The following UNC93A variants were observed in gnomAD, a reference collection of about 807,000 sequenced individuals.
The protein encoded by UNC93A is unc-93 homolog A.
UNC93A carries 43 observed loss-of-function variants against 47.5 expected under a neutral mutation model. The ratio of observed to expected loss-of-function variants is 0.91; its 90% CI spans 0.71 to 1.17. The LOEUF is 1.17. UNC93A is among the 50% of genes most tolerant of loss of function. UNC93A has a pLI of 0.00. For missense variants in UNC93A, 605 were observed against 577.6 expected, an observed-to-expected ratio of 1.05 and a Z score of -0.49; for synonymous variants, 280 against 258.0, an observed-to-expected ratio of 1.09 and a Z score of -0.82.
At chr6:167,301,509 G>A (rs1778239418) in intron 4 of UNC93A, among the ~76,000 whole-genome samples, 2 of 152,274 alleles carry the variant, frequency 1.3e-5, no homozygotes, top group African/African-American at 2.4e-5. Flanking sequence ...TCTGAGCATT[G>A]CATTCATAGT....
upstream of UNC93A, among the ~76,000 whole-genome samples, chr6:167,289,016 A>T (rs1436907140): frequency 6.6e-6 from 1 of 152,292 alleles, no homozygotes; most frequent in Non-Finnish European, 1.5e-5. Context: ...TGAAGTGGCT[A>T]TTGACACCTT....
intron 7 of UNC93A, among the ~76,000 whole-genome samples, chr6:167,311,008 C>A (rs1210664115): frequency 1.3e-5 from 2 of 152,222 alleles, no homozygotes; most frequent in Non-Finnish European, 2.9e-5. Context: ...GCTGGCTCTC[C>A]ATGCAGCACA....
At position 167,304,716 on chromosome 6, in the gene UNC93A, G is replaced by A. The variant is rs1388011025; in HGVS notation, c.840+583G>A. On this transcript the variant is annotated intron_variant, in intron 5 of 7. Transcript: ENST00000230256. The stretch of plus-strand genomic sequence containing the variant: ...CTCCCAAGTAGCTGGGATTACAGGC[G>A]TGTGCCACCACGCCTGGGTAATTTT... Among the ~76,000 whole-genome samples the A allele has an allele frequency of 1.1e-4, 17 of 152,120 alleles. 1 individual carries two copies. The highest frequency in any genetic ancestry group is 8.3e-4 in the South Asian group (4 of 4,810).
At chr6:167,286,403 C>T (rs976415458), upstream of UNC93A, among the ~76,000 whole-genome samples, 2 of 152,210 alleles carry the variant, frequency 1.3e-5, no homozygotes, top group Non-Finnish European at 2.9e-5. Context: ...TGCATCGTAG[C>T]TGGAAACAAA....
At chr6:167,304,211 C>G (rs566944487) in intron 5 of UNC93A, 78 bp downstream of exon 5, 12 of 1,516,864 alleles carry the variant, frequency 7.9e-6, no homozygotes, top group Non-Finnish European at 9.1e-6. Flanking sequence ...CCTGCAGGAC[C>G]GCAGAGTGTC....
intron 7 of UNC93A, among the ~76,000 whole-genome samples, chr6:167,309,322 C>T (rs138224339): frequency 0.034 from 5,108 of 152,224 alleles, 135 homozygotes; most frequent in Non-Finnish European, 0.044. Context: ...TGTGTGTGGC[C>T]GCTTGCCGGA....
upstream of UNC93A, among the ~76,000 whole-genome samples, chr6:167,269,097 A>C (rs1279963531): frequency 6.6e-6 from 1 of 152,174 alleles, no homozygotes; most frequent in Non-Finnish European, 1.5e-5. Flanking sequence ...TGAGAGAGGA[A>C]TGTGTGGGCA....
At chr6:167,280,992 G>A (rs561472302) in intron 1 of UNC93A, among the ~76,000 whole-genome samples, 36 of 152,248 alleles carry the variant, frequency 2.4e-4, no homozygotes, top group Admixed American at 3.9e-4. Flanking sequence ...AAACAAACAA[G>A]CAAATCAACC....
chr6:167,301,282 T>C (rs1197929778), intron 4 of UNC93A, among the ~76,000 whole-genome samples: 2 of 152,202 alleles, frequency 1.3e-5, no homozygotes, highest in South Asian at 2.1e-4. Flanking sequence ...TCCCGCAGCC[T>C]AAGGGAGTCC....
intron 1 of UNC93A, among the ~76,000 whole-genome samples, chr6:167,285,666 T>G (rs1033467317): frequency 1.3e-5 from 2 of 151,346 alleles, no homozygotes; most frequent in African/African-American, 4.8e-5. Flanking sequence ...TATAACCCAC[T>G]GGGGTGGGGG....
At chr6:167,294,869 G>GA (rs1778008884) in intron 2 of UNC93A, among the ~76,000 whole-genome samples, 171 bp downstream of exon 2, 1 of 151,960 alleles carries the variant, frequency 6.6e-6, no homozygotes, top group Non-Finnish European at 1.5e-5. Context: ...ACGGTGCTGG[G>GA]CTTCCTTCCT....
At chr6:167,301,898 C>T (rs1000958188) in intron 4 of UNC93A, among the ~76,000 whole-genome samples, 7 of 152,146 alleles carry the variant, frequency 4.6e-5, no homozygotes, top group South Asian at 2.1e-4. Context: ...CCTGTGCAGG[C>T]GTGACAACCT....
At chr6:167,281,417 A>G (rs1228293102) in intron 1 of UNC93A, among the ~76,000 whole-genome samples, 1 of 152,148 alleles carries the variant, frequency 6.6e-6, no homozygotes, top group Non-Finnish European at 1.5e-5. Flanking sequence ...TGAGGATGAG[A>G]TGAGTTGAGC....
chr6:167,285,960 C>CTATA lies in UNC93A; in HGVS notation c.-51-5462_-51-5459dup, dbSNP rs71554919. ...TCTTTCTCTCTCTCTCTCTCTCTCT[C>CTATA]TATATATATATATATATATACACAC... On this transcript the variant is annotated intron_variant, in intron 1 of 3. Transcript: ENST00000503433. Among the ~76,000 whole-genome samples the CTATA allele has an allele frequency of 6.5e-5, 9 of 139,388 alleles. 1 individual carries two copies. Among genetic ancestry groups the CTATA allele is most frequent in the East Asian group, 2.1e-4 (1 of 4,766 alleles). The allele number at this position is 139,388 out of a possible 152,430, so 91.4% of individuals were successfully genotyped here. A position where few individuals can be genotyped will look rare whatever the true frequency, so the allele number is the denominator to read the frequency against.
intron 4 of UNC93A, among the ~76,000 whole-genome samples, chr6:167,303,085 G>A (rs1007560198): frequency 4.6e-5 from 7 of 152,148 alleles, no homozygotes; most frequent in African/African-American, 1.7e-4. Context: ...TCAGGCATCC[G>A]CTGGGGCCTT....
chr6:167,270,123 C>G (rs372191), upstream of UNC93A, among the ~76,000 whole-genome samples: 31,327 of 150,992 alleles, frequency 0.21, 3,477 homozygotes, highest in East Asian at 0.34. Flanking sequence ...ATCTGGCACA[C>G]TCTGGAGGAC....
At chr6:167,306,765 T>C (rs979974359) in intron 6 of UNC93A, among the ~76,000 whole-genome samples, 2 of 152,136 alleles carry the variant, frequency 1.3e-5, no homozygotes, top group African/African-American at 4.8e-5. Flanking sequence ...TAGGAGATCA[T>C]GGAGTGCAGA....
In UNC93A at chr6:167,306,049, G is replaced by C; in HGVS notation, c.975G>C (p.Leu325=). Reference sequence around the variant, plus strand: ...CGGGCAGGGCTGTGCTGTACGTGCTGGGTAGGTATCAGCGTGGGTCCCATC... The same window carrying C: ...CGGGCAGGGCTGTGCTGTACGTGCTCGGTAGGTATCAGCGTGGGTCCCATC... The part of the protein sequence containing the change: ...QYTGRAVLYV[L]GAVTHVSCMI... Residue 325 remains leucine, a splice_region_variant and synonymous_variant, in exon 6 of 8, where the codon CTG becomes CTC. Coordinates refer to ENST00000230256, the MANE Select transcript of UNC93A (RefSeq NM_018974.4). The C allele has an allele frequency of 6.2e-7, 1 of 1,614,102 alleles. No homozygotes were observed. Among genetic ancestry groups the C allele is most frequent in the African/African-American group, 1.3e-5 (1 of 75,044 alleles).
At chr6:167,295,912 A>G (rs1778072905) in intron 2 of UNC93A, 120 bp from the exon 3 acceptor site, 1 of 847,878 alleles carries the variant, frequency 1.2e-6, no homozygotes, top group Admixed American at 2.4e-5. Context: ...ACTCATCACC[A>G]CGCTTGCAAT....
Sources: allele counts gnomAD v4.1 joint callset (sites outside exome capture counted in the v4.1 genomes callset), GRCh38; gene constraint gnomAD v4.1.1; transcripts MANE v1.5; gene names NCBI Gene and HGNC (gene_info 2026-07-23, HGNC 2026-07-21).